The following BRWD1 variants were observed in gnomAD, a reference collection of about 807,000 sequenced individuals.
The protein encoded by BRWD1 is bromodomain and WD repeat domain containing 1.
In BRWD1, 82 loss-of-function variants were observed where a neutral mutation model predicts 251.2. The ratio of observed to expected loss-of-function variants is 0.33; its 90% CI spans 0.27 to 0.39. The LOEUF is 0.39. Ranked by LOEUF, BRWD1 falls within the 10% of genes least tolerant of loss-of-function variation. BRWD1 has a pLI of 1.00. For synonymous variants in BRWD1, 918 were observed against 902.8 expected (o/e 1.02, Z -0.30); for missense variants, 2,233 against 2,711.6 (o/e 0.82, Z 3.92).
intron 22 of BRWD1, 135 bp downstream of exon 22, chr21:39,238,343 GT>G: frequency 3.7e-6 from 2 of 537,218 alleles, no homozygotes; most frequent in Non-Finnish European, 6.5e-6. Flanking sequence ...GTTGGATCTA[GT>G]TTTTGTCTCC....
intron 10 of BRWD1, chr21:39,278,501 C>T: frequency 4.3e-6 from 2 of 462,258 alleles, no homozygotes; most frequent in South Asian, 8.7e-5. Context: ...TGTGTGGACA[C>T]CTCAAGCCTC....
At chr21:39,224,376 A>G in intron 29 of BRWD1, 32 bp downstream of exon 29, 2 of 1,342,826 alleles carry the variant, frequency 1.5e-6, no homozygotes, top group Non-Finnish European at 1.0e-6. Context: ...TATAAAAATA[A>G]AATGTTTTCA....
Position 39,295,485 on chromosome 21 carries a change from C to T in BRWD1, c.609+258G>A, listed in dbSNP as rs147551524. 9.0e-4 allele frequency among the ~76,000 whole-genome samples: 137 copies of T among 152,222 alleles called. 2 individuals are homozygous for T. The highest frequency in any genetic ancestry group is 3.2e-3 in the African/African-American group (133 of 41,544). On this transcript the variant is annotated intron_variant, in intron 7 of 40. Coordinates refer to ENST00000342449, the MANE Select transcript of BRWD1 (RefSeq NM_033656.4). ...TACAGGCGTGAGCCACCGCGCCCGG[C>T]CAGGTATGTCTATTTTTAAGCATCC...
At chr21:39,244,779 T>G (rs914703982) in intron 21 of BRWD1, among the ~76,000 whole-genome samples, 4 of 151,754 alleles carry the variant, frequency 2.6e-5, no homozygotes, top group Admixed American at 1.3e-4. Flanking sequence ...CATGGTAAAA[T>G]AGTTATTTCC....
Position 39,188,412 on chromosome 21 carries a change from G to A in BRWD1, c.*7847C>T. The A allele has an allele frequency of 1.0e-6, 1 of 985,370 alleles. No homozygotes were observed. Among genetic ancestry groups the A allele is most frequent in the Non-Finnish European group, 1.2e-6 (1 of 829,896 alleles). The allele number at this position is 985,370 out of a possible 1,614,324, so 61.0% of individuals were successfully genotyped here. A position where few individuals can be genotyped will look rare whatever the true frequency, so the allele number is the denominator to read the frequency against. ...CCTCCACCCACACTAGACATCTGGA[G>A]GACTCCACCACATTCTTTTTACTAC... On this transcript the variant is annotated 3_prime_UTR_variant, in exon 41 of 41. Transcript: ENST00000342449.
chr21:39,277,858 G>A (rs2035327727), intron 10 of BRWD1, among the ~76,000 whole-genome samples: 1 of 152,004 alleles, frequency 6.6e-6, no homozygotes, highest in Admixed American at 6.6e-5. Flanking sequence ...GAGCCAGCTG[G>A]TGGGGCGGGG....
intron 23 of BRWD1, among the ~76,000 whole-genome samples, chr21:39,234,202 CAAT>C (rs915372829): frequency 2.0e-5 from 3 of 152,144 alleles, no homozygotes; most frequent in African/African-American, 7.2e-5. Flanking sequence ...GGGGAAGCAA[CAAT>C]GAGAGATGCA....
chr21:39,224,528 G>C (rs561402065), intron 28 of BRWD1, 59 bp from the exon 29 acceptor site: 2 of 1,101,572 alleles, frequency 1.8e-6, no homozygotes, highest in African/African-American at 3.2e-5. Context: ...GTGGATAATA[G>C]GTATCCATTA....
chr21:39,218,197 G>A lies in BRWD1; in HGVS notation c.3614C>T (p.Thr1205Ile), dbSNP rs374796878. 8.7e-6 allele frequency: 14 copies of A among 1,611,598 alleles called. No homozygotes were observed. Among genetic ancestry groups the A allele is most frequent in the Non-Finnish European group, 1.2e-5 (14 of 1,179,474 alleles). ...PKYCTVVAYP[T>I]DLYTIRMRLV... ...TCTCATTCGAATTGTGTAAAGATCG[G>A]TTGGATAAGCTACTACAGTACAGTA... Residue 1205 changes from threonine (T) to isoleucine (I), a missense_variant, in exon 31 of 41, where the codon ACC becomes ATC. Thr to Ile is a moderately conservative substitution (Grantham distance 89). Transcript: ENST00000342449.
At chr21:39,237,479 C>A (rs1190735002) in intron 22 of BRWD1, among the ~76,000 whole-genome samples, 1 of 152,152 alleles carries the variant, frequency 6.6e-6, no homozygotes, top group Non-Finnish European at 1.5e-5. Flanking sequence ...AACCACACAC[C>A]TTTTCGTCTC....
chr21:39,212,545 G>T, intron 34 of BRWD1, 121 bp downstream of exon 34: 1 of 702,338 alleles, frequency 1.4e-6, no homozygotes, highest in Non-Finnish European at 2.4e-6. Flanking sequence ...CTCCCATTTT[G>T]CTAATAAAAT....
At chr21:39,203,435 G>GTTTTTTTTTT (rs2032214008) in intron 37 of BRWD1, among the ~76,000 whole-genome samples, 1 of 139,438 alleles carries the variant, frequency 7.2e-6, no homozygotes, top group Non-Finnish European at 1.5e-5. Context: ...CAAGACCCTG[G>GTTTTTTTTTT]TTCTTTTTTT....
chr21:39,294,606 G>A (rs796909860), intron 7 of BRWD1, among the ~76,000 whole-genome samples: 8 of 148,922 alleles, frequency 5.4e-5, no homozygotes, highest in African/African-American at 2.0e-4. Context: ...AGTGAGCGGA[G>A]ATTGCGCCAC....
At chr21:39,264,743 A>G (rs747698236) in intron 16 of BRWD1, 58 bp from the exon 17 acceptor site, 12 of 1,497,832 alleles carry the variant, frequency 8.0e-6, no homozygotes, top group Non-Finnish European at 1.1e-5. Context: ...TAAAGGAAAC[A>G]AATATTAAAC....
intron 4 of BRWD1, among the ~76,000 whole-genome samples, chr21:39,305,754 T>C (rs2036265003): frequency 6.6e-6 from 1 of 151,298 alleles, no homozygotes; most frequent in Admixed American, 6.6e-5. Flanking sequence ...TCCCAGCTAC[T>C]CAGGAGGGCT....
chr21:39,271,130 T>C (rs1177618202), intron 13 of BRWD1, among the ~76,000 whole-genome samples: 2 of 151,674 alleles, frequency 1.3e-5, no homozygotes, highest in African/African-American at 4.9e-5. Context: ...CCGTCTCTAC[T>C]AAAAATACAA....
At chr21:39,320,807 A>G (rs1385094154) in intron 1 of BRWD1, among the ~76,000 whole-genome samples, 1 of 151,352 alleles carries the variant, frequency 6.6e-6, no homozygotes, top group Non-Finnish European at 1.5e-5. Flanking sequence ...AGCTGGGACT[A>G]CAGGTGCACA....
chr21:39,244,871 C>G (rs1275272022), intron 21 of BRWD1, among the ~76,000 whole-genome samples: 1 of 140,508 alleles, frequency 7.1e-6, no homozygotes, highest in African/African-American at 2.6e-5. Context: ...ACCTGACTAT[C>G]CAATTGCTTA....
At position 39,194,559 on chromosome 21, in the gene BRWD1, C is replaced by T; in HGVS notation, c.*1700G>A. The T allele has an allele frequency of 6.9e-7, 1 of 1,451,990 alleles. No homozygotes were observed. Among genetic ancestry groups the T allele is most frequent in the Non-Finnish European group, 9.0e-7 (1 of 1,107,976 alleles). The allele number at this position is 1,451,990 out of a possible 1,614,324, so 89.9% of individuals were successfully genotyped here. A position where few individuals can be genotyped will look rare whatever the true frequency, so the allele number is the denominator to read the frequency against. On this transcript the variant is annotated 3_prime_UTR_variant, in exon 41 of 41. Transcript: ENST00000342449. ...CCACAAATGAGAGGAGGTTTCCCAC[C>T]TATCTCAGTTGATAATGTCCAAAAA...
Sources: gnomAD v4.1 joint callset for allele counts (sites outside exome capture counted in the v4.1 genomes callset) on GRCh38, gnomAD v4.1.1 for gene constraint, MANE v1.5 for transcripts, NCBI Gene and HGNC (gene_info 2026-07-23, HGNC 2026-07-21) for gene names.